KIAA0825: variants seen among roughly 807,000 people sequenced by gnomAD.
KIAA0825 encodes the protein uncharacterized protein KIAA0825.
Under a neutral mutation model 147.6 loss-of-function variants are expected in KIAA0825, and 119 were observed. The ratio of observed to expected loss-of-function variants is 0.81; its 90% CI spans 0.69 to 0.94. The LOEUF is 0.94. Among genes scored for constraint, KIAA0825 ranks in the 40% least tolerant of loss-of-function variants. The pLI is 0.00. For synonymous variants in KIAA0825, 470 were observed against 518.1 expected (o/e 0.91, Z 1.26); for missense variants, 1,381 against 1,472.7 (o/e 0.94, Z 1.02).
chr5:94,195,266 T>G (rs1371881762), intron 20 of KIAA0825, among the ~76,000 whole-genome samples: 1 of 152,224 alleles, frequency 6.6e-6, no homozygotes, highest in Non-Finnish European at 1.5e-5. Flanking sequence ...AATACATAAG[T>G]GTAGCATCAA....
At chr5:94,489,872 A>G (rs991195361) in intron 5 of KIAA0825, among the ~76,000 whole-genome samples, 10 of 147,946 alleles carry the variant, frequency 6.8e-5, no homozygotes, top group Non-Finnish European at 1.3e-4. Flanking sequence ...AGTGACACAG[A>G]GAGAGACTCT....
intron 20 of KIAA0825, among the ~76,000 whole-genome samples, chr5:94,175,153 A>G (rs1006151041): frequency 2.6e-5 from 4 of 152,172 alleles, no homozygotes; most frequent in African/African-American, 4.8e-5. Flanking sequence ...ATATGCTGTC[A>G]ATTTAATTAG....
At chr5:94,447,670 A>G (rs964899864) in intron 13 of KIAA0825, among the ~76,000 whole-genome samples, 13 of 152,170 alleles carry the variant, frequency 8.5e-5, no homozygotes, top group Non-Finnish European at 2.9e-5. Flanking sequence ...ACATCTTGCT[A>G]AACTAAATAA....
chr5:94,196,319 C>G (rs1562307058), intron 20 of KIAA0825, among the ~76,000 whole-genome samples: 1 of 152,130 alleles, frequency 6.6e-6, no homozygotes, highest in Non-Finnish European at 1.5e-5. Flanking sequence ...TTGAGGTCAG[C>G]TTTTGGAGGA....
chr5:94,380,077 T>A (rs961039576), intron 20 of KIAA0825, among the ~76,000 whole-genome samples: 1 of 151,900 alleles, frequency 6.6e-6, no homozygotes, highest in Admixed American at 6.6e-5. Context: ...ATGGTCTCGA[T>A]CTCCTGACCT....
chr5:94,533,889 C>A (rs1452232615), intron 3 of KIAA0825, among the ~76,000 whole-genome samples: 2 of 152,106 alleles, frequency 1.3e-5, no homozygotes, highest in African/African-American at 4.8e-5. Context: ...TCTTGAAGGG[C>A]AGGTGAAGGT....
intron 20 of KIAA0825, among the ~76,000 whole-genome samples, chr5:94,321,217 T>A (rs1780163846): frequency 6.6e-6 from 1 of 152,046 alleles, no homozygotes; most frequent in African/African-American, 2.4e-5. Flanking sequence ...CCCAAGGTCA[T>A]TGGCTACCTT....
At chr5:94,519,171 A>G (rs1473598479) in intron 5 of KIAA0825, 2 of 863,826 alleles carry the variant, frequency 2.3e-6, no homozygotes, top group African/African-American at 3.7e-5. Context: ...TTAAAATTTT[A>G]AGACAAAATA....
chr5:94,204,560 T>G (rs1376153506), intron 20 of KIAA0825, among the ~76,000 whole-genome samples: 1 of 152,236 alleles, frequency 6.6e-6, no homozygotes, highest in African/African-American at 2.4e-5. Context: ...AAAATAAATT[T>G]CTTTAGCTTC....
intron 1 of KIAA0825, among the ~76,000 whole-genome samples, chr5:94,595,872 CA>C (rs1785218313): frequency 1.3e-5 from 2 of 152,138 alleles, no homozygotes; most frequent in Admixed American, 6.5e-5. Context: ...CAAAGTTCAA[CA>C]AATCTCCAGG....
intron 20 of KIAA0825, among the ~76,000 whole-genome samples, chr5:94,374,833 T>C (rs1747296413): frequency 6.6e-6 from 1 of 152,146 alleles, no homozygotes; most frequent in Admixed American, 6.5e-5. Context: ...CTCCTCTTAA[T>C]CCTTCATGTG....
chr5:94,379,813 C>G (rs1402131021), intron 20 of KIAA0825, among the ~76,000 whole-genome samples: 4 of 149,948 alleles, frequency 2.7e-5, no homozygotes, highest in Non-Finnish European at 5.9e-5. Context: ...TTCACACCTC[C>G]CTGGTTAGCT....
At chr5:94,569,348 C>T (rs904347435) in intron 2 of KIAA0825, 2 of 363,844 alleles carry the variant, frequency 5.5e-6, no homozygotes, top group Non-Finnish European at 1.0e-5. Context: ...AATAATGATA[C>T]ACCCAACCAC....
intron 2 of KIAA0825, among the ~76,000 whole-genome samples, chr5:94,572,030 G>A (rs1413097143): frequency 1.3e-5 from 2 of 151,644 alleles, no homozygotes; most frequent in South Asian, 4.2e-4. Context: ...CAAGCCTGTG[G>A]TGTGCTAGTA....
intron 20 of KIAA0825, among the ~76,000 whole-genome samples, chr5:94,311,706 C>T (rs544815395): frequency 1.7e-4 from 26 of 151,670 alleles, no homozygotes; most frequent in Admixed American, 8.6e-4. Flanking sequence ...ACTATTCACA[C>T]GAAAAGAAAA....
intron 1 of KIAA0825, among the ~76,000 whole-genome samples, chr5:94,597,829 C>A (rs892326005): frequency 1.3e-5 from 2 of 151,970 alleles, no homozygotes; most frequent in Admixed American, 1.3e-4. Context: ...ATATTGCAGG[C>A]AATTGTAACA....
chr5:94,224,494 TTTAAATAGC>T (rs1217589368), intron 20 of KIAA0825, among the ~76,000 whole-genome samples: 1 of 152,188 alleles, frequency 6.6e-6, no homozygotes, highest in African/African-American at 2.4e-5. Context: ...TTTTACTTTC[TTTAAATAGC>T]ACTAAAATCT....
chr5:94,516,803 A>AT (rs973734329), intron 5 of KIAA0825, among the ~76,000 whole-genome samples: 1 of 142,068 alleles, frequency 7.0e-6, no homozygotes, highest in Non-Finnish European at 1.5e-5. Context: ...AAAAAAAAAA[A>AT]AAGAAAAGAA....
At chr5:94,310,472 A>G (rs1230965391) in intron 20 of KIAA0825, among the ~76,000 whole-genome samples, 1 of 151,694 alleles carries the variant, frequency 6.6e-6, no homozygotes, top group Non-Finnish European at 1.5e-5. Context: ...TATATGACTT[A>G]CTTATATTTT....
Sources: allele counts gnomAD v4.1 joint callset (sites outside exome capture counted in the v4.1 genomes callset), GRCh38; gene constraint gnomAD v4.1.1; transcripts MANE v1.5; gene names NCBI Gene and HGNC (gene_info 2026-07-23, HGNC 2026-07-21).